Variants in CNGA3 observed in about 807,000 individuals in gnomAD.
The protein encoded by CNGA3 is cyclic nucleotide-gated channel alpha-3.
Under a neutral mutation model 46.6 loss-of-function variants are expected in CNGA3, and 42 were observed. The ratio of observed to expected loss-of-function variants is 0.90; its 90% CI spans 0.70 to 1.17. The LOEUF is 1.17. CNGA3 is among the 50% of genes most tolerant of loss of function. The pLI is 0.00. For synonymous variants in CNGA3, 394 were observed against 369.4 expected, an observed-to-expected ratio of 1.07 and a Z score of -0.76; for missense variants, 893 against 890.7, an observed-to-expected ratio of 1.00 and a Z score of -0.03.
intron 7 of CNGA3, among the ~76,000 whole-genome samples, chr2:98,392,895 C>CTTGGGACATCT (rs1400681101): frequency 6.6e-6 from 1 of 152,216 alleles, no homozygotes; most frequent in Non-Finnish European, 1.5e-5. Flanking sequence ...ACTGTGTGCC[C>CTTGGGACATCT]TTGGGACATC....
In CNGA3 at chr2:98,396,693, A is replaced by T. The variant is rs759274452; in HGVS notation, c.1523A>T (p.Tyr508Phe). The T allele has an allele frequency of 5.0e-6, 8 of 1,614,020 alleles. No homozygotes were observed. ...LRPTVFSPGDYICKKGDIGKE... is the reference protein window; with the variant it reads ...LRPTVFSPGDFICKKGDIGKE... ...CCCACTGTGTTCAGCCCTGGGGATT[A>T]TATCTGCAAGAAGGGAGATATTGGG... is the stretch of plus-strand genomic sequence containing the variant. The change falls in exon 8 of 8, where the codon TAT becomes TTT. Residue 508 changes from tyrosine to phenylalanine, a missense_variant. Transcript: ENST00000272602.
chr2:98,375,680 G>A (rs1027602132), intron 2 of CNGA3, among the ~76,000 whole-genome samples: 9 of 152,180 alleles, frequency 5.9e-5, no homozygotes, highest in Admixed American at 1.3e-4. Context: ...CATGCCTATG[G>A]TACAGCCATA....
intron 4 of CNGA3, among the ~76,000 whole-genome samples, chr2:98,380,961 G>A (rs564641937): frequency 6.6e-6 from 1 of 152,232 alleles, no homozygotes; most frequent in Admixed American, 6.5e-5. Context: ...GCTTTCTGGA[G>A]GGAAAATCTG....
intron 1 of CNGA3, among the ~76,000 whole-genome samples, chr2:98,347,354 G>A (rs1364564658): frequency 2.0e-5 from 3 of 152,206 alleles, no homozygotes; most frequent in Admixed American, 6.5e-5. Context: ...AAAGGCGCCG[G>A]GCTCCCAGCC....
chr2:98,349,810 G>A (rs546292453), intron 1 of CNGA3, among the ~76,000 whole-genome samples: 26 of 152,330 alleles, frequency 1.7e-4, no homozygotes, highest in African/African-American at 6.3e-4. Context: ...AGCTGTTGCT[G>A]TGACTGATGC....
intron 4 of CNGA3, among the ~76,000 whole-genome samples, chr2:98,381,551 A>G (rs1050257832): frequency 2.6e-5 from 4 of 152,174 alleles, no homozygotes; most frequent in Non-Finnish European, 4.4e-5. Context: ...TATGTCATAG[A>G]TGATGCAGGG....
At chr2:98,380,092 AAGAG>A in intron 3 of CNGA3, 79 bp from the exon 4 acceptor site, 1 of 1,487,000 alleles carries the variant, frequency 6.7e-7, no homozygotes, top group Non-Finnish European at 9.3e-7. Flanking sequence ...GGGAGGGAGA[AAGAG>A]AGAGAGGGAA....
Position 98,396,748 on chromosome 2 carries a change from G to A in CNGA3, c.1578G>A (p.Lys526=). 2 of 1,614,218 alleles carry A rather than the reference G, an allele frequency of 1.2e-6. No homozygotes were observed. The highest frequency in any genetic ancestry group is 3.3e-4 in the Middle Eastern group (2 of 6,062). The stretch of plus-strand genomic sequence containing the variant: ...AGATGTACATCATCAACGAGGGCAA[G>A]CTGGCCGTGGTGGCTGATGATGGGG... ...GKEMYIINEG[K]LAVVADDGVT... Residue 526 remains lysine, a synonymous_variant, in exon 8 of 8, where the codon AAG becomes AAA. Transcript: ENST00000272602.
intron 6 of CNGA3, among the ~76,000 whole-genome samples, chr2:98,391,348 G>A (rs961530179): frequency 1.3e-5 from 2 of 152,162 alleles, no homozygotes; most frequent in Non-Finnish European, 2.9e-5. Flanking sequence ...GGGGCGCTGA[G>A]CAAGCAGCAG....
At position 98,389,716 on chromosome 2, in the gene CNGA3, C is replaced by T. The variant is rs200542032; in HGVS notation, c.508C>T (p.Arg170Cys). Reference protein sequence around the residue: ...VVDPSSNLYYRWLTAIALPVF... With the variant: ...VVDPSSNLYYCWLTAIALPVF... ...GGACCCGTCCAGCAACCTGTACTAC[C>T]GCTGGCTGACCGCCATCGCCCTGCC... is the stretch of plus-strand genomic sequence containing the variant. Residue 170 changes from arginine (R) to cysteine (C), a missense_variant, in exon 6 of 8, where the codon CGC becomes TGC. Arg to Cys is a radical substitution (Grantham distance 180). Coordinates refer to ENST00000272602, the MANE Select transcript of CNGA3 (RefSeq NM_001298.3). The T allele has an allele frequency of 5.9e-5, 96 of 1,613,766 alleles. No individual in the cohort carries two copies. In the Admixed American group the frequency reaches 7.0e-4, roughly 12 times the overall value.
At chr2:98,363,124 T>C (rs1282169521) in intron 1 of CNGA3, among the ~76,000 whole-genome samples, 2 of 152,252 alleles carry the variant, frequency 1.3e-5, no homozygotes, top group Non-Finnish European at 2.9e-5. Flanking sequence ...AGGATTGTCT[T>C]GGCTATACAA....
rs78169163 is a variant in CNGA3, at chr2:98,389,856, C to T, written c.566+82C>T. On this transcript the variant is annotated intron_variant, in intron 6 of 7. Transcript: ENST00000272602. Reference sequence around the variant, plus strand: ...AGGAGCCAGAGCTCCACCTCTCCCTCGGGAGGCCTGAGGCCTGGACCCCTC... The same window carrying T: ...AGGAGCCAGAGCTCCACCTCTCCCTTGGGAGGCCTGAGGCCTGGACCCCTC... 3,504 of 1,153,232 alleles carry T rather than the reference C, an allele frequency of 3.0e-3. 19 individuals are homozygous for T. Among genetic ancestry groups the T allele is most frequent in the Non-Finnish European group, 4.0e-3 (3,066 of 771,604 alleles). The allele number at this position is 1,153,232 out of a possible 1,614,324, so 71.4% of individuals were successfully genotyped here. A position where few individuals can be genotyped will look rare whatever the true frequency, so the allele number is the denominator to read the frequency against.
intron 4 of CNGA3, among the ~76,000 whole-genome samples, chr2:98,380,910 G>A (rs1224500967): frequency 6.6e-6 from 1 of 152,202 alleles, no homozygotes; most frequent in Non-Finnish European, 1.5e-5. Context: ...AGGTGGGGAA[G>A]GGGACAATGG....
Position 98,377,686 on chromosome 2 carries a change from G to A in CNGA3, c.102-1G>A, listed in dbSNP as rs867119280. 1 of 1,612,664 alleles carries A rather than the reference G, an allele frequency of 6.2e-7. No homozygotes were observed. Among genetic ancestry groups the A allele is most frequent in the South Asian group, 1.1e-5 (1 of 90,694 alleles). ...TGCTTGCTGCATATCTGATTTCCTA[G>A]AGCCCACTCGTCAAGTGAGGAGACA... On this transcript the variant is annotated splice_acceptor_variant, in intron 2 of 7. Transcript: ENST00000272602. LOFTEE classifies it high-confidence loss of function.
In CNGA3 at chr2:98,369,112, C is replaced by T. The variant is rs1047661684; in HGVS notation, c.-37-827C>T. ...TAGTTGTTTTACAAAAACAGTTTAGCTTTGGGAAAGGGCTTTAATTTAAAT... is the reference window on the plus strand; with the variant it reads ...TAGTTGTTTTACAAAAACAGTTTAGTTTTGGGAAAGGGCTTTAATTTAAAT... On this transcript the variant is annotated intron_variant, in intron 1 of 7. Coordinates refer to ENST00000272602, the MANE Select transcript of CNGA3 (RefSeq NM_001298.3). Among the ~76,000 whole-genome samples, 7 of 152,336 alleles carry T rather than the reference C, an allele frequency of 4.6e-5. 1 individual carries two copies. The highest frequency in any genetic ancestry group is 2.0e-4 in the Admixed American group (3 of 15,296).
rs144627146 is a variant in CNGA3 at position 98,397,007 on chromosome 2, G to A, written c.1837G>A (p.Asp613Asn). 29 of 1,613,974 alleles carry A rather than the reference G, an allele frequency of 1.8e-5. 1 individual carries two copies. In the Middle Eastern group the frequency reaches 4.9e-4, roughly 28 times the overall value. The part of the protein sequence containing the change: ...RQILMKDNLI[D>N]EELARAGADP... ...GATCCTGATGAAAGACAACCTGATC[G>A]ATGAGGAGCTGGCCAGGGCGGGCGC... The change falls in exon 8 of 8, where the codon GAT (aspartate) becomes AAT (asparagine). Residue 613 changes from aspartate to asparagine, a missense_variant. Transcript: ENST00000272602.
chr2:98,391,863 G>C lies in CNGA3; in HGVS notation c.567-1G>C. 1.2e-6 allele frequency: 2 copies of C among 1,614,122 alleles called. No homozygotes were observed. The highest frequency in any genetic ancestry group is 1.7e-6 in the Non-Finnish European group (2 of 1,179,968). On this transcript the variant is annotated splice_acceptor_variant, in intron 6 of 7. Transcript: ENST00000272602. LOFTEE classifies it high-confidence loss of function. ...ATCCATCTCCCACATGGCTTCTTTAGGGCCTGTTTCGATGAGCTGCAGTCC... is the reference window on the plus strand; with the variant it reads ...ATCCATCTCCCACATGGCTTCTTTACGGCCTGTTTCGATGAGCTGCAGTCC...
At chr2:98,380,445 C>A in intron 4 of CNGA3, 91 bp downstream of exon 4, 1 of 1,478,132 alleles carries the variant, frequency 6.8e-7, no homozygotes, top group Non-Finnish European at 9.3e-7. Context: ...GGATGCAGCA[C>A]AGGTGGCCTG....
intron 3 of CNGA3, chr2:98,378,020 A>G (rs1692448294): frequency 6.5e-7 from 1 of 1,542,952 alleles, no homozygotes; most frequent in Admixed American, 2.0e-5. Flanking sequence ...TTTATCTGAA[A>G]TTGCTTAATA....
Sources: allele counts gnomAD v4.1 joint callset (sites outside exome capture counted in the v4.1 genomes callset), GRCh38; gene constraint gnomAD v4.1.1; transcripts MANE v1.5; gene names NCBI Gene and HGNC (gene_info 2026-07-23, HGNC 2026-07-21).